ZFAND3: variants seen among roughly 807,000 people sequenced by gnomAD.
ZFAND3 encodes AN1-type zinc finger protein 3.
Under a neutral mutation model 29.6 loss-of-function variants are expected in ZFAND3, and 10 were observed. That is an observed-to-expected ratio of 0.34 (90% confidence interval 0.21 to 0.57). The LOEUF is 0.57. ZFAND3 is among the 20% of genes least tolerant of loss of function. The pLI, the probability that ZFAND3 is intolerant of heterozygous loss-of-function variation, is 0.86. For synonymous variants in ZFAND3, 128 were observed against 112.6 expected (o/e 1.14, Z -0.87); for missense variants, 230 against 304.5 (o/e 0.76, Z 1.82).
chr6:37,846,046 G>A (rs1371347440), intron 1 of ZFAND3, among the ~76,000 whole-genome samples: 1 of 152,168 alleles, frequency 6.6e-6, no homozygotes, highest in African/African-American at 2.4e-5. Context: ...CCCAGGCCCT[G>A]ATTAAATACC....
chr6:37,968,291 A>G (rs1762326269), intron 2 of ZFAND3, among the ~76,000 whole-genome samples: 1 of 151,834 alleles, frequency 6.6e-6, no homozygotes, highest in African/African-American at 2.4e-5. Flanking sequence ...TGGGGGAAAA[A>G]AAGCGTTTTT....
intron 2 of ZFAND3, among the ~76,000 whole-genome samples, chr6:37,994,519 C>T (rs1161219633): frequency 1.3e-5 from 2 of 152,194 alleles, no homozygotes; most frequent in Non-Finnish European, 2.9e-5. Context: ...TAATTATGAG[C>T]TGCAGTCTTA....
At chr6:37,835,896 T>C (rs997104410) in intron 1 of ZFAND3, among the ~76,000 whole-genome samples, 1 of 152,258 alleles carries the variant, frequency 6.6e-6, no homozygotes, top group African/African-American at 2.4e-5. Context: ...TAGGTGCATG[T>C]ACCAGATTTT....
intron 1 of ZFAND3, among the ~76,000 whole-genome samples, chr6:37,827,983 G>T (rs1561902373): frequency 6.6e-6 from 1 of 152,168 alleles, no homozygotes; most frequent in Non-Finnish European, 1.5e-5. Flanking sequence ...GAGTGAGGTT[G>T]GTGATGTACT....
At chr6:37,933,764 T>C (rs1761640639) in intron 2 of ZFAND3, among the ~76,000 whole-genome samples, 1 of 152,208 alleles carries the variant, frequency 6.6e-6, no homozygotes, top group East Asian at 1.9e-4. Flanking sequence ...TTTTTTTGTT[T>C]GTTTGTTTGT....
chr6:38,115,102 A>G (rs910250416), intron 4 of ZFAND3, among the ~76,000 whole-genome samples: 11 of 151,342 alleles, frequency 7.3e-5, no homozygotes, highest in African/African-American at 2.4e-4. Context: ...AAAGATATCA[A>G]AGGGAATGAT....
intron 1 of ZFAND3, among the ~76,000 whole-genome samples, chr6:37,907,885 C>T (rs1432452266): frequency 1.3e-5 from 2 of 152,122 alleles, no homozygotes; most frequent in Non-Finnish European, 2.9e-5. Context: ...TATACTTTAT[C>T]TCTTATGTAT....
intron 2 of ZFAND3, among the ~76,000 whole-genome samples, chr6:38,048,161 A>G (rs1367532297): frequency 1.3e-5 from 2 of 151,696 alleles, no homozygotes; most frequent in African/African-American, 4.8e-5. Flanking sequence ...GCGCACCATT[A>G]TGCCTGGCCA....
In ZFAND3 at chr6:37,877,072, G is replaced by T. The variant is rs186842818; in HGVS notation, c.72-52887G>T. Among the ~76,000 whole-genome samples, 139 of 152,172 alleles carry T rather than the reference G, an allele frequency of 9.1e-4. 1 individual carries two copies. The highest frequency in any genetic ancestry group is 3.4e-3 in the Middle Eastern group (1 of 294). ...TATGTATATGAAAGGAGGGCTGGAG[G>T]GTTTTGTATAGGTCTTTAATTACAC... On this transcript the variant is annotated intron_variant, in intron 1 of 5. Transcript: ENST00000287218.
chr6:37,967,658 G>A (rs1039469570), intron 2 of ZFAND3, among the ~76,000 whole-genome samples: 1 of 152,126 alleles, frequency 6.6e-6, no homozygotes, highest in Non-Finnish European at 1.5e-5. Flanking sequence ...AATACCTCAG[G>A]ATTCATTCTA....
intron 2 of ZFAND3, among the ~76,000 whole-genome samples, chr6:37,970,017 A>G (rs1356392536): frequency 1.3e-5 from 2 of 152,122 alleles, no homozygotes; most frequent in Admixed American, 6.5e-5. Flanking sequence ...AATCCCAGCT[A>G]CTTGGGAGGC....
chr6:37,894,688 T>C (rs1358822557), intron 1 of ZFAND3, among the ~76,000 whole-genome samples: 1 of 152,188 alleles, frequency 6.6e-6, no homozygotes, highest in African/African-American at 2.4e-5. Context: ...TTTCTTGTGG[T>C]GCAGATCTGC....
chr6:38,100,388 A>C (rs1430246176), intron 4 of ZFAND3, among the ~76,000 whole-genome samples: 1 of 152,212 alleles, frequency 6.6e-6, no homozygotes, highest in African/African-American at 2.4e-5. Flanking sequence ...GAAGATTAAA[A>C]TCATATCTTA....
At chr6:38,103,441 G>GTA (rs1334966207) in intron 4 of ZFAND3, among the ~76,000 whole-genome samples, 1 of 64,744 alleles carries the variant, frequency 1.5e-5, no homozygotes, top group Non-Finnish European at 3.0e-5. Context: ...ATATACACGT[G>GTA]TATATATATA....
intron 1 of ZFAND3, among the ~76,000 whole-genome samples, chr6:37,853,094 C>G (rs1223572255): frequency 6.6e-6 from 1 of 152,076 alleles, no homozygotes; most frequent in African/African-American, 2.4e-5. Context: ...GAATATTTCA[C>G]TTCATTTTAT....
intron 4 of ZFAND3, among the ~76,000 whole-genome samples, chr6:38,090,487 G>C (rs1004095965): frequency 2.6e-5 from 4 of 152,174 alleles, no homozygotes; most frequent in Non-Finnish European, 5.9e-5. Context: ...TCCTGGGGCA[G>C]GGGACAAAAG....
intron 2 of ZFAND3, among the ~76,000 whole-genome samples, chr6:38,030,656 G>A (rs1291407078): frequency 6.6e-6 from 1 of 152,024 alleles, no homozygotes; most frequent in East Asian, 1.9e-4. Context: ...GAAAACAATT[G>A]TCAAGTTATA....
intron 2 of ZFAND3, among the ~76,000 whole-genome samples, chr6:37,958,570 A>G (rs185497434): frequency 4.9e-4 from 75 of 152,288 alleles, no homozygotes; most frequent in Admixed American, 1.8e-3. Context: ...CAATCCTGGA[A>G]GCAAAATATT....
chr6:37,863,051 CT>C (rs755765291), intron 1 of ZFAND3, among the ~76,000 whole-genome samples: 48 of 152,272 alleles, frequency 3.2e-4, no homozygotes, highest in Middle Eastern at 3.4e-3. Context: ...AACACTATTG[CT>C]GTGGTTGGCA....
Sources: allele counts gnomAD v4.1 joint callset (sites outside exome capture counted in the v4.1 genomes callset), GRCh38; gene constraint gnomAD v4.1.1; transcripts MANE v1.5; gene names NCBI Gene and HGNC (gene_info 2026-07-23, HGNC 2026-07-21).